The following MUC20 variants were observed in gnomAD, a reference collection of about 807,000 sequenced individuals.
MUC20 encodes mucin-20.
MUC20 carries 14 observed loss-of-function variants against 23.8 expected under a neutral mutation model. The observed-to-expected ratio is 0.59, with a 90% CI of 0.39 to 0.92. The LOEUF (loss-of-function observed/expected upper bound fraction) is 0.92. MUC20 is among the 40% of genes least tolerant of loss of function. The pLI is 0.00. For synonymous variants in MUC20, 166 were observed against 279.3 expected (o/e 0.59, Z 4.04); for missense variants, 375 against 668.8 (o/e 0.56, Z 4.85).
rs1402504783 is a variant in MUC20 at position 195,729,717 on chromosome 3, T to A, written c.2039T>A (p.Val680Glu). Residue 680 changes from valine to glutamate, a missense_variant, in exon 3 of 4, where the codon GTG (valine) becomes GAG (glutamate). Val to Glu is a moderately radical substitution (Grantham distance 121). Around this residue, in one of 4 missense-constraint regions of MUC20, gnomAD observed 343 missense variants for 340.2 expected, o/e 1.01. Coordinates refer to ENST00000447234, the MANE Select transcript of MUC20 (RefSeq NM_001282506.2). ...ASPEDLTDPR[V>E]AERLMQQLHR... ...CCGGAAGACCTCACTGACCCCAGAG[T>A]GGCAGAAAGGCTGATGCAGCAGGTG... 1.9e-6 allele frequency: 3 copies of A among 1,597,564 alleles called. No individual in the cohort carries two copies. Among genetic ancestry groups the A allele is most frequent in the East Asian group, 4.5e-5 (2 of 44,322 alleles).
rs1350694222 is a variant in MUC20 at position 195,721,034 on chromosome 3, G to T, written c.27G>T (p.Leu9=). The change falls in exon 1 of 4, where the codon CTG becomes CTT. Residue 9 remains leucine, a synonymous_variant. Transcript: ENST00000447234. MGCLWGLA[L]PLFFFCWEVG... Reference sequence around the variant, plus strand: ...TGGGCTGTCTCTGGGGTCTGGCTCTGCCCCTTTTCTTCTTCTGCTGGGAGG... The same window carrying T: ...TGGGCTGTCTCTGGGGTCTGGCTCTTCCCCTTTTCTTCTTCTGCTGGGAGG... 1 of 1,588,938 alleles carries T rather than the reference G, an allele frequency of 6.3e-7. No homozygotes were observed. Among genetic ancestry groups the T allele is most frequent in the South Asian group, 1.2e-5 (1 of 86,804 alleles).
intron 2 of MUC20, among the ~76,000 whole-genome samples, chr3:195,726,806 G>T (rs1203232500): frequency 6.6e-6 from 1 of 152,256 alleles, no homozygotes; most frequent in Non-Finnish European, 1.5e-5. Context: ...TTGCGGTCTC[G>T]GCTCTGCCTG....
chr3:195,721,513 G>A (rs1253475021), intron 1 of MUC20, among the ~76,000 whole-genome samples: 1 of 151,612 alleles, frequency 6.6e-6, no homozygotes, highest in Admixed American at 6.6e-5. Flanking sequence ...ACTCCTCCCA[G>A]TTTATTACCT....
At chr3:195,726,715 G>C in intron 2 of MUC20, 143 bp downstream of exon 2, 1 of 1,048,408 alleles carries the variant, frequency 9.5e-7, no homozygotes, top group Non-Finnish European at 1.4e-6. Flanking sequence ...TGATCTTCTA[G>C]TGGTTCTTGG....
chr3:195,731,611 C>T (rs1455327626), intron 3 of MUC20, among the ~76,000 whole-genome samples: 2 of 152,268 alleles, frequency 1.3e-5, no homozygotes, highest in African/African-American at 4.8e-5. Context: ...CTATTGGATG[C>T]TGCCACAGCC....
chr3:195,728,922 C>T (rs997142454), intron 2 of MUC20, among the ~76,000 whole-genome samples: 1 of 152,362 alleles, frequency 6.6e-6, no homozygotes, highest in East Asian at 1.9e-4. Flanking sequence ...ATCCCTTAAA[C>T]CTTGATTTTA....
At chr3:195,730,099 CAAAAAAAAAA>C (rs4036961) in intron 3 of MUC20, 42 of 93,130 alleles carry the variant, frequency 4.5e-4, no homozygotes, top group Middle Eastern at 6.2e-3. Flanking sequence ...GCAGTTTATG[CAAAAAAAAAA>C]AAAAAAAAAA....
intron 2 of MUC20, chr3:195,729,388 A>C: frequency 2.3e-6 from 1 of 438,988 alleles, no homozygotes. Flanking sequence ...GCGATCTCAG[A>C]TCACCACAAC....
At chr3:195,721,672 T>A (rs1712118336) in intron 1 of MUC20, 1 of 153,672 alleles carries the variant, frequency 6.5e-6, no homozygotes, top group Non-Finnish European at 1.4e-5. Context: ...GCCAAACTCA[T>A]CACATACATT....
chr3:195,722,278 T>G, intron 1 of MUC20: 2 of 984,878 alleles, frequency 2.0e-6, no homozygotes, highest in Non-Finnish European at 2.4e-6. Flanking sequence ...CAGTAACAAC[T>G]CCTCGGAGCC....
chr3:195,728,031 C>G (rs1712893255), intron 2 of MUC20, among the ~76,000 whole-genome samples: 1 of 152,274 alleles, frequency 6.6e-6, no homozygotes, highest in Admixed American at 6.5e-5. Context: ...TTCAAAACAG[C>G]CTTAGGAGGT....
At chr3:195,729,280 C>T (rs544665175) in intron 2 of MUC20, 15 of 267,360 alleles carry the variant, frequency 5.6e-5, no homozygotes, top group East Asian at 2.6e-4. Context: ...AATGTACATA[C>T]GGAAGCAAAT....
Position 195,729,449 on chromosome 3 carries a change from T to C in MUC20, c.1970-199T>C, listed in dbSNP as rs1301768810. On this transcript the variant is annotated intron_variant, in intron 2 of 3. Transcript: ENST00000447234. ...CTCCTGCCTCAGCCTCCTGAGTAGC[T>C]GGGATTACAGGCACGCACCACCATG... 25 of 572,290 alleles carry C rather than the reference T, an allele frequency of 4.4e-5. No individual in the cohort carries two copies. The East Asian group carries it at 7.3e-4, about 17-fold the overall frequency. 35.5% of individuals were successfully genotyped at this position (572,290 alleles called of 1,614,324 possible). A position where few individuals can be genotyped will look rare whatever the true frequency, so the allele number is the denominator to read the frequency against.
chr3:195,732,640 G>A (rs1055868297), intron 3 of MUC20, among the ~76,000 whole-genome samples: 53 of 151,996 alleles, frequency 3.5e-4, no homozygotes, highest in African/African-American at 1.3e-3. Flanking sequence ...GATTATTGGC[G>A]TGAGCCACCG....
chr3:195,730,275 C>T (rs1238499761), intron 3 of MUC20, among the ~76,000 whole-genome samples: 1 of 152,282 alleles, frequency 6.6e-6, no homozygotes, highest in Admixed American at 6.5e-5. Context: ...TATGAAAAGG[C>T]AGCCTTGTTA....
chr3:195,730,764 A>G (rs1713309331), intron 3 of MUC20, among the ~76,000 whole-genome samples: 1 of 152,192 alleles, frequency 6.6e-6, no homozygotes, highest in Non-Finnish European at 1.5e-5. Context: ...AGCCCCAAGA[A>G]AATAGGGAGG....
At chr3:195,723,040 G>A (rs28585640) in intron 1 of MUC20, among the ~76,000 whole-genome samples, 8 of 136,322 alleles carry the variant, frequency 5.9e-5, no homozygotes, top group African/African-American at 2.2e-4. Context: ...TCCTCATCAC[G>A]TTGGCAAGGC....
At chr3:195,729,552 G>C (rs1713139529) in intron 2 of MUC20, 96 bp from the exon 3 acceptor site, 1 of 1,179,864 alleles carries the variant, frequency 8.5e-7, no homozygotes, top group Non-Finnish European at 1.2e-6. Context: ...CCGATCTCAG[G>C]TGATCCACCT....
In MUC20 at chr3:195,733,174, G is replaced by A. The variant is rs202056744; in HGVS notation, c.2086G>A (p.Ala696Thr). The change falls in exon 4 of 4, where the codon GCG (alanine) becomes ACG (threonine). Residue 696 changes from alanine (A) to threonine (T), a missense_variant. Physicochemically the swap from Ala to Thr is moderately conservative, Grantham distance 58. Coordinates refer to ENST00000447234, the MANE Select transcript of MUC20 (RefSeq NM_001282506.2). ...QQLHRELHAH[A>T]PHFQVSLLRV... Reference sequence around the variant, plus strand: ...GCTCCACCGGGAACTCCACGCCCACGCGCCTCACTTCCAGGTCTCCTTACT... The same window carrying A: ...GCTCCACCGGGAACTCCACGCCCACACGCCTCACTTCCAGGTCTCCTTACT... 7.2e-5 allele frequency: 115 copies of A among 1,595,108 alleles called. 2 individuals are homozygous for A. The highest frequency in any genetic ancestry group is 1.7e-4 in the Middle Eastern group (1 of 6,060).
Sources: gnomAD v4.1 joint callset for allele counts (sites outside exome capture counted in the v4.1 genomes callset) on GRCh38, gnomAD v4.1.1 for gene constraint, gnomAD v4.1.1 regional missense constraint, MANE v1.5 for transcripts, NCBI Gene and HGNC (gene_info 2026-07-23, HGNC 2026-07-21) for gene names.